Variants in ZNF536 observed in about 807,000 individuals in gnomAD.
ZNF536 encodes the protein zinc finger protein 536.
ZNF536 carries 13 observed loss-of-function variants against 84.5 expected under a neutral mutation model. That is an observed-to-expected ratio of 0.15 (90% CI 0.10 to 0.24). ZNF536 has a LOEUF of 0.24. Ranked by LOEUF, ZNF536 falls within the 10% of genes least tolerant of loss-of-function variation. ZNF536 has a pLI of 1.00. For missense variants in ZNF536, 1,536 were observed against 1,747.5 expected, an observed-to-expected ratio of 0.88 and a Z score of 2.16; for synonymous variants, 811 against 742.5, an observed-to-expected ratio of 1.09 and a Z score of -1.50.
intron 1 of ZNF536, among the ~76,000 whole-genome samples, chr19:30,584,681 C>T (rs1037686146): frequency 1.3e-5 from 2 of 152,190 alleles, no homozygotes; most frequent in African/African-American, 4.8e-5. Context: ...TCTCCCTCCT[C>T]CCTGATTCAT....
In ZNF536 at chr19:30,445,231, G is replaced by A. The variant is rs2052265092; in HGVS notation, c.1669G>A (p.Val557Ile). Reference protein sequence around the residue: ...NHEDTLANAGVLFDKEKREYV... With the variant: ...NHEDTLANAGILFDKEKREYV... The stretch of plus-strand genomic sequence containing the variant: ...CGAAGACACTTTGGCAAACGCCGGG[G>A]TTCTGTTTGATAAGGAGAAGCGGGA... Residue 557 changes from valine (V) to isoleucine (I), a missense_variant, in exon 2 of 5, where the codon GTT (valine) becomes ATT (isoleucine). This residue lies in a region of ZNF536 where 366 missense variants were observed against 364.4 expected (regional missense o/e 1.00). Coordinates refer to ENST00000355537, the MANE Select transcript of ZNF536 (RefSeq NM_014717.3). The surrounding 1 kb of genome is among the most constrained non-coding windows in gnomAD (Gnocchi z 4.5). The A allele has an allele frequency of 6.2e-7, 1 of 1,614,198 alleles. No homozygotes were observed.
At chr19:30,266,705 A>G (rs556605330) in intron 1 of ZNF536, among the ~76,000 whole-genome samples, 1 of 152,256 alleles carries the variant, frequency 6.6e-6, no homozygotes, top group Non-Finnish European at 1.5e-5. Context: ...AACTTCATAT[A>G]TCAAGCATAA....
intron 4 of ZNF536, among the ~76,000 whole-genome samples, chr19:30,552,760 A>G (rs527716655): frequency 6.6e-6 from 1 of 152,282 alleles, no homozygotes; most frequent in East Asian, 1.9e-4. Context: ...CGAGGGGAGA[A>G]GCCGACCCAG....
intron 1 of ZNF536, among the ~76,000 whole-genome samples, chr19:30,392,432 G>T (rs772298582): frequency 1.3e-5 from 2 of 152,150 alleles, no homozygotes; most frequent in Non-Finnish European, 2.9e-5. Context: ...GCCAGAGAAG[G>T]GTTGGAAGGG....
At chr19:30,267,674 C>T (rs567064232) in intron 1 of ZNF536, among the ~76,000 whole-genome samples, 9 of 152,234 alleles carry the variant, frequency 5.9e-5, no homozygotes, top group African/African-American at 2.2e-4. Flanking sequence ...TCTCCTGACT[C>T]CCTGTCTGCC....
intron 1 of ZNF536, among the ~76,000 whole-genome samples, chr19:30,649,549 C>CTTTTTTTTTTTT (rs35137042): frequency 8.1e-6 from 1 of 123,882 alleles, no homozygotes; most frequent in African/African-American, 3.0e-5. Context: ...CAGCATTTTC[C>CTTTTTTTTTTTT]TTTTTTTTTT....
intron 2 of ZNF536, among the ~76,000 whole-genome samples, chr19:30,318,902 T>G (rs1347290281): frequency 2.0e-5 from 3 of 152,230 alleles, no homozygotes; most frequent in Admixed American, 2.0e-4. Context: ...GGCAGTTTGC[T>G]CCCTTCTTTT....
In ZNF536 at chr19:30,527,713, T is replaced by TA. The variant is rs199828712; in HGVS notation, c.2171-7126dup. ...ATGCATACCATTAATTTTAAATAATTAAAAAAAATAAAAGGGCCAGTTGTG... is the reference window on the plus strand; with the variant it reads ...ATGCATACCATTAATTTTAAATAATTAAAAAAAAATAAAAGGGCCAGTTGTG... On this transcript the variant is annotated intron_variant, in intron 2 of 4. Coordinates refer to ENST00000355537, the MANE Select transcript of ZNF536 (RefSeq NM_014717.3). Among the ~76,000 whole-genome samples the TA allele has an allele frequency of 1.4e-3, 219 of 151,994 alleles. 5 individuals carry two copies. The East Asian group carries it at 0.039, about 27-fold the overall frequency.
intron 1 of ZNF536, among the ~76,000 whole-genome samples, chr19:30,650,582 T>A (rs1430606927): frequency 6.6e-6 from 1 of 152,226 alleles, no homozygotes; most frequent in Non-Finnish European, 1.5e-5. Context: ...AGGAGAGATT[T>A]TTTTTCCTCC....
chr19:30,528,498 A>G (rs908410555), intron 2 of ZNF536, among the ~76,000 whole-genome samples: 1 of 152,102 alleles, frequency 6.6e-6, no homozygotes, highest in African/African-American at 2.4e-5. Context: ...TTCTTAGTCA[A>G]TTTCTGACCT....
intron 2 of ZNF536, among the ~76,000 whole-genome samples, chr19:30,311,291 C>T (rs907311639): frequency 2.0e-5 from 3 of 152,172 alleles, no homozygotes; most frequent in African/African-American, 2.4e-5. Context: ...AAGGGCCCTG[C>T]ACCCCAAAAA....
intron 1 of ZNF536, among the ~76,000 whole-genome samples, chr19:30,230,987 A>G (rs1283778471): frequency 6.8e-6 from 1 of 147,394 alleles, no homozygotes; most frequent in Non-Finnish European, 1.5e-5. Context: ...TTTTTTTTTT[A>G]TAAGAAGAGT....
chr19:30,506,476 C>A (rs117288324), intron 2 of ZNF536, among the ~76,000 whole-genome samples: 4,759 of 152,286 alleles, frequency 0.031, 105 homozygotes, highest in South Asian at 0.1. Context: ...GATGCTGTTC[C>A]CCAGTTTCAT....
At chr19:30,263,985 T>G (rs1286135363) in intron 1 of ZNF536, among the ~76,000 whole-genome samples, 2 of 152,142 alleles carry the variant, frequency 1.3e-5, no homozygotes, top group African/African-American at 4.8e-5. Context: ...AACTTTCAGT[T>G]TTCACTTCCA....
At chr19:30,483,513 A>G (rs560260068) in intron 2 of ZNF536, among the ~76,000 whole-genome samples, 1 of 134,270 alleles carries the variant, frequency 7.4e-6, no homozygotes, top group Admixed American at 8.1e-5. Context: ...CAACAACCAG[A>G]ACACCCAGGG....
At chr19:30,681,107 G>C (rs1017191950) in intron 1 of ZNF536, among the ~76,000 whole-genome samples, 1 of 152,020 alleles carries the variant, frequency 6.6e-6, no homozygotes, top group Non-Finnish European at 1.5e-5. Flanking sequence ...GCCCCTTTCC[G>C]ACTTTCCGAA....
chr19:30,519,197 C>T (rs1457656983), intron 2 of ZNF536, among the ~76,000 whole-genome samples: 1 of 152,226 alleles, frequency 6.6e-6, no homozygotes, highest in South Asian at 2.1e-4. Context: ...CCAAATCAAG[C>T]CACCTGCCTC....
chr19:30,521,176 C>T (rs1199238552), intron 2 of ZNF536, among the ~76,000 whole-genome samples: 1 of 152,214 alleles, frequency 6.6e-6, no homozygotes, highest in African/African-American at 2.4e-5. Flanking sequence ...CCCGGAGTCC[C>T]TTGGTGTTTT....
chr19:30,232,820 G>A (rs182702866), intron 1 of ZNF536, among the ~76,000 whole-genome samples: 1 of 152,330 alleles, frequency 6.6e-6, no homozygotes, highest in African/African-American at 2.4e-5. Context: ...GTTGTAGGAT[G>A]TTTGGGAGCG....
Sources: allele counts gnomAD v4.1 joint callset (sites outside exome capture counted in the v4.1 genomes callset), GRCh38; gene constraint gnomAD v4.1.1; regional missense constraint gnomAD v4.1.1; non-coding constraint Gnocchi (gnomAD v3.1); transcripts MANE v1.5; gene names NCBI Gene and HGNC (gene_info 2026-07-23, HGNC 2026-07-21).